Variants in CRY1 observed in about 807,000 individuals in gnomAD.
The protein encoded by CRY1 is cryptochrome-1.
A neutral mutation model predicts 76.0 loss-of-function variants in CRY1; 45 were observed. The ratio of observed to expected loss-of-function variants is 0.59; its 90% CI spans 0.47 to 0.76. The LOEUF is 0.76. CRY1 is among the 30% of genes least tolerant of loss of function. The pLI is 0.00. For missense variants in CRY1, 587 were observed against 716.4 expected, an observed-to-expected ratio of 0.82 and a Z score of 2.06; for synonymous variants, 248 against 244.0, an observed-to-expected ratio of 1.02 and a Z score of -0.15.
chr12:106,997,039 T>C (rs1340453418), intron 10 of CRY1, among the ~76,000 whole-genome samples: 1 of 152,200 alleles, frequency 6.6e-6, no homozygotes, highest in African/African-American at 2.4e-5. Context: ...ATCCTTAAAA[T>C]TGCTCTCCTC....
intron 2 of CRY1, among the ~76,000 whole-genome samples, chr12:107,007,960 AATATCAGCC>A (rs1011316616): frequency 1.3e-5 from 2 of 152,196 alleles, no homozygotes; most frequent in African/African-American, 4.8e-5. Flanking sequence ...TAAAGATAAA[AATATCAGCC>A]ATATTATTAG....
intron 1 of CRY1, among the ~76,000 whole-genome samples, chr12:107,051,156 T>G (rs535530954): frequency 6.6e-6 from 1 of 152,248 alleles, no homozygotes; most frequent in South Asian, 2.1e-4. Flanking sequence ...AAAATAAAAA[T>G]GTTCCCTAAC....
chr12:107,075,475 A>G (rs1179301724), intron 1 of CRY1, among the ~76,000 whole-genome samples: 2 of 152,282 alleles, frequency 1.3e-5, no homozygotes, highest in Non-Finnish European at 2.9e-5. Flanking sequence ...TTCTGTATTC[A>G]AGTTTGCTTC....
chr12:107,074,629 A>G (rs904026909), intron 1 of CRY1, among the ~76,000 whole-genome samples: 1 of 152,240 alleles, frequency 6.6e-6, no homozygotes, highest in South Asian at 2.1e-4. Context: ...TATATCTTTT[A>G]TAATACTAAA....
intron 1 of CRY1, among the ~76,000 whole-genome samples, chr12:107,065,884 ACAAGGAAGTACACATGCT>A (rs1230199037): frequency 1.3e-5 from 2 of 152,216 alleles, no homozygotes; most frequent in African/African-American, 2.4e-5. Context: ...GCATTAAAAA[ACAAGGAAGTACACATGCT>A]CAACCCAGCC....
intron 1 of CRY1, among the ~76,000 whole-genome samples, chr12:107,028,711 T>C (rs1952642995): frequency 6.6e-6 from 1 of 152,198 alleles, no homozygotes; most frequent in Admixed American, 6.5e-5. Flanking sequence ...TGTCCACACC[T>C]ACATACAGAA....
chr12:107,000,194 C>G, intron 5 of CRY1, 112 bp from the exon 6 acceptor site: 1 of 1,029,688 alleles, frequency 9.7e-7, no homozygotes. Flanking sequence ...GGAATAAAAT[C>G]TTATCCTAGC....
At chr12:107,029,805 T>C (rs1230520181) in intron 1 of CRY1, among the ~76,000 whole-genome samples, 2 of 152,188 alleles carry the variant, frequency 1.3e-5, no homozygotes, top group Admixed American at 1.3e-4. Context: ...ATGTATATTA[T>C]GTAAATAAAT....
At chr12:107,018,734 G>A (rs1952523174) in intron 2 of CRY1, among the ~76,000 whole-genome samples, 1 of 152,096 alleles carries the variant, frequency 6.6e-6, no homozygotes, top group African/African-American at 2.4e-5. Context: ...GGCCTAGAAA[G>A]AGCCATCTTG....
At chr12:107,005,850 T>G (rs537921470) in intron 2 of CRY1, among the ~76,000 whole-genome samples, 15 of 152,328 alleles carry the variant, frequency 9.8e-5, no homozygotes, top group South Asian at 2.1e-4. Context: ...AGTTACTTAT[T>G]ATCAGGAGCT....
chr12:107,093,021 GCCGACACCTT>G lies in CRY1; in HGVS notation c.-70_-61del. 6.9e-7 allele frequency: 1 copy of G among 1,451,922 alleles called. No homozygotes were observed. Among genetic ancestry groups the G allele is most frequent in the Non-Finnish European group, 9.0e-7 (1 of 1,106,190 alleles). 89.9% of individuals were successfully genotyped at this position (1,451,922 alleles called of 1,614,324 possible). ...TCAAGGAAGGAGGCTCCGGCTCATA[GCCGACACCTT>G]CGCTTCCAAGAGAATTGCCTCACCC... On this transcript the variant is annotated 5_prime_UTR_variant, in exon 1 of 13. Transcript: ENST00000008527.
chr12:107,087,288 T>C (rs374574520), intron 1 of CRY1, among the ~76,000 whole-genome samples: 2 of 151,910 alleles, frequency 1.3e-5, no homozygotes, highest in African/African-American at 2.4e-5. Flanking sequence ...AGTGGAAAGA[T>C]TAAAAGAATC....
At chr12:107,081,148 T>C (rs1380238216) in intron 1 of CRY1, among the ~76,000 whole-genome samples, 11 of 152,142 alleles carry the variant, frequency 7.2e-5, no homozygotes, top group Non-Finnish European at 1.6e-4. Context: ...GGCACATTTA[T>C]AGATTTGGTT....
At chr12:107,037,474 G>C (rs1349612878) in intron 1 of CRY1, among the ~76,000 whole-genome samples, 1 of 151,982 alleles carries the variant, frequency 6.6e-6, no homozygotes, top group Non-Finnish European at 1.5e-5. Context: ...GGAGGTTGCA[G>C]TGAGCCAAGA....
intron 1 of CRY1, among the ~76,000 whole-genome samples, chr12:107,062,076 C>G (rs892080852): frequency 1.3e-5 from 2 of 150,702 alleles, no homozygotes; most frequent in Non-Finnish European, 3.0e-5. Flanking sequence ...AAAAGAAACC[C>G]TATTATCTTA....
At chr12:107,086,621 T>C (rs1953405018) in intron 1 of CRY1, among the ~76,000 whole-genome samples, 1 of 152,252 alleles carries the variant, frequency 6.6e-6, no homozygotes, top group South Asian at 2.1e-4. Flanking sequence ...CCCCAGGTAC[T>C]GTCTGGACTG....
intron 1 of CRY1, among the ~76,000 whole-genome samples, chr12:107,049,014 T>C (rs1451830080): frequency 6.6e-6 from 1 of 152,244 alleles, no homozygotes; most frequent in Non-Finnish European, 1.5e-5. Context: ...AACATTTACT[T>C]GTGGCACACT....
intron 1 of CRY1, among the ~76,000 whole-genome samples, chr12:107,082,634 C>G (rs1021816319): frequency 6.6e-6 from 1 of 152,162 alleles, no homozygotes; most frequent in African/African-American, 2.4e-5. Flanking sequence ...TAAGTAAGTT[C>G]TTTGACACCA....
chr12:107,049,713 C>T (rs1952895521), intron 1 of CRY1: 1 of 152,098 alleles, frequency 6.6e-6, no homozygotes, highest in South Asian at 2.1e-4. Flanking sequence ...CTGATGGCTT[C>T]AAAGAGATTT....
Sources: allele counts gnomAD v4.1 joint callset (sites outside exome capture counted in the v4.1 genomes callset), GRCh38; gene constraint gnomAD v4.1.1; transcripts MANE v1.5; gene names NCBI Gene and HGNC (gene_info 2026-07-23, HGNC 2026-07-21).